Variants in POTEF observed in about 807,000 individuals in gnomAD.
POTEF encodes POTE ankyrin domain family member F.
A neutral mutation model predicts 83.2 loss-of-function variants in POTEF; 20 were observed. That is an observed-to-expected ratio of 0.24 (90% CI 0.17 to 0.35). The LOEUF is 0.35. Among genes scored for constraint, POTEF ranks in the 10% least tolerant of loss-of-function variants. The pLI, the probability that POTEF is intolerant of heterozygous loss-of-function variation, is 1.00. For synonymous variants in POTEF, 196 were observed against 446.4 expected, an observed-to-expected ratio of 0.44 and a Z score of 7.07; for missense variants, 550 against 1,203.2, an observed-to-expected ratio of 0.46 and a Z score of 8.03.
chr2:130,127,113 T>G (rs1237482023), intron 2 of POTEF, among the ~76,000 whole-genome samples: 1 of 151,318 alleles, frequency 6.6e-6, no homozygotes, highest in Non-Finnish European at 1.5e-5. Flanking sequence ...TGAGGTCAGG[T>G]GATCTAGACC....
chr2:130,096,518 TG>T (rs1307173296), intron 11 of POTEF, among the ~76,000 whole-genome samples: 3 of 144,444 alleles, frequency 2.1e-5, no homozygotes, highest in Non-Finnish European at 4.6e-5. Context: ...ATCTGACAAG[TG>T]TGTGATACCC....
chr2:130,101,779 T>C (rs1684380359), intron 9 of POTEF, among the ~76,000 whole-genome samples: 1 of 120,188 alleles, frequency 8.3e-6, no homozygotes. Context: ...AATTTGTTTT[T>C]GCCTCTATTC....
At chr2:130,080,399 G>A (rs1377484489) in intron 15 of POTEF, among the ~76,000 whole-genome samples, 1 of 68,978 alleles carries the variant, frequency 1.4e-5, no homozygotes, top group African/African-American at 7.7e-5. Flanking sequence ...AACAAGAAAA[G>A]GAATTTAAAA....
chr2:130,118,683 C>CA (rs1684912308), intron 3 of POTEF, among the ~76,000 whole-genome samples: 1 of 150,808 alleles, frequency 6.6e-6, no homozygotes, highest in African/African-American at 2.5e-5. Flanking sequence ...GCAGCAGAGT[C>CA]AGACTCCATC....
chr2:130,100,807 A>C, intron 9 of POTEF, 87 bp from the exon 10 acceptor site: 1 of 1,524,874 alleles, frequency 6.6e-7, no homozygotes, highest in Non-Finnish European at 8.8e-7. Flanking sequence ...AAAAAATTTT[A>C]TTCTTAACTA....
rs1404772773 is a variant in POTEF, at chr2:130,120,283, C to T, written c.233G>A (p.Ser78Asn). ...GTGGTCTCCAGAAGCGCCCACGTTG[C>T]TCTTGCCACTCCCCCTGCAGCAGGG... The part of the protein sequence containing the change: ...CFPCCRGSGK[S>N]NVGASGDHDD... The change falls in exon 3 of 17, where the codon AGC (serine) becomes AAC (asparagine). Residue 78 changes from serine (S) to asparagine (N), a missense_variant. Ser to Asn is a conservative substitution (Grantham distance 46). Transcript: ENST00000409914. The T allele has an allele frequency of 6.2e-7, 1 of 1,605,190 alleles. No homozygotes were observed. Among genetic ancestry groups the T allele is most frequent in the Non-Finnish European group, 8.5e-7 (1 of 1,178,276 alleles).
chr2:130,110,513 A>G, intron 7 of POTEF, 30 bp downstream of exon 7: 1 of 1,260,130 alleles, frequency 7.9e-7, no homozygotes, highest in African/African-American at 1.9e-5. Context: ...TCAATTCAGC[A>G]TTAACTAGCC....
intron 2 of POTEF, among the ~76,000 whole-genome samples, chr2:130,123,744 T>C (rs2104831895): frequency 6.7e-6 from 1 of 150,134 alleles, no homozygotes; most frequent in Admixed American, 6.6e-5. Flanking sequence ...AAAATGTCAT[T>C]CCCTACATTT....
intron 5 of POTEF, among the ~76,000 whole-genome samples, chr2:130,112,979 A>G (rs1157293230): frequency 6.6e-6 from 1 of 151,900 alleles, no homozygotes; most frequent in East Asian, 1.9e-4. Context: ...ATTTCTAAAG[A>G]CCTTCTGAAC....
At chr2:130,103,102 C>CTTTCT (rs1254761415) in intron 8 of POTEF, among the ~76,000 whole-genome samples, 9 of 126,454 alleles carry the variant, frequency 7.1e-5, no homozygotes, top group African/African-American at 2.7e-4. Context: ...TTCTTTCTTT[C>CTTTCT]TTTTTTTTTT....
At chr2:130,126,963 G>A (rs1472870194) in intron 2 of POTEF, among the ~76,000 whole-genome samples, 3 of 151,414 alleles carry the variant, frequency 2.0e-5, no homozygotes, top group African/African-American at 7.4e-5. Context: ...GGCCTATTAT[G>A]ACACCTTTTA....
chr2:130,108,177 A>T, intron 7 of POTEF, 98 bp from the exon 8 acceptor site: 2 of 1,484,178 alleles, frequency 1.3e-6, no homozygotes, highest in South Asian at 2.5e-5. Flanking sequence ...AAACAATATC[A>T]GAATAACAGA....
intron 3 of POTEF, among the ~76,000 whole-genome samples, chr2:130,119,445 C>T (rs1303594589): frequency 6.6e-6 from 1 of 151,834 alleles, no homozygotes; most frequent in Non-Finnish European, 1.5e-5. Flanking sequence ...CAGGCGTGAG[C>T]CACCGCGCCC....
rs770457282 is a variant in POTEF at position 130,074,899 on chromosome 2, C to G, written c.2573G>C (p.Gly858Ala). 1 of 1,592,800 alleles carries G rather than the reference C, an allele frequency of 6.3e-7. No homozygotes were observed. Residue 858 changes from glycine to alanine, a missense_variant, in exon 17 of 17, where the codon GGG becomes GCG. Transcript: ENST00000409914. Reference protein sequence around the residue: ...TTGIVMDSGDGVTHTVPIYEG... With the variant: ...TTGIVMDSGDAVTHTVPIYEG... ...ATAGATGGGCACAGTGTGGGTGACC[C>G]CGTCACCAGAGTCCATCACGATGCC...
chr2:130,123,631 GA>G (rs1363750864), intron 2 of POTEF, among the ~76,000 whole-genome samples: 2 of 151,588 alleles, frequency 1.3e-5, no homozygotes, highest in East Asian at 3.9e-4. Flanking sequence ...TATTTACATA[GA>G]AAAAAGGAAT....
intron 3 of POTEF, among the ~76,000 whole-genome samples, chr2:130,116,106 A>G (rs954512125): frequency 4.6e-5 from 7 of 152,070 alleles, no homozygotes; most frequent in African/African-American, 1.7e-4. Flanking sequence ...TGGAATAAGA[A>G]AGCTGAGGTG....
rs1197796667 is a variant in POTEF at position 130,075,014 on chromosome 2, T to A, written c.2458A>T (p.Thr820Ser). Residue 820 changes from threonine (T) to serine (S), a missense_variant, in exon 17 of 17, where the codon ACC (threonine) becomes TCC (serine). Thr to Ser is a moderately conservative substitution (Grantham distance 58). Coordinates refer to ENST00000409914, the MANE Select transcript of POTEF (RefSeq NM_001099771.2). ...TTGAAGGTCTCAAACATGATCTGGGTCATCTTCTCGCGGTTGGCCTTAGGG... is the reference window on the plus strand; with the variant it reads ...TTGAAGGTCTCAAACATGATCTGGGACATCTTCTCGCGGTTGGCCTTAGGG... ...LNPKANREKM[T>S]QIMFETFNTP... 6.2e-7 allele frequency: 1 copy of A among 1,613,214 alleles called. No homozygotes were observed. The highest frequency in any genetic ancestry group is 2.2e-5 in the East Asian group (1 of 44,862).
chr2:130,101,031 G>T (rs1413534509), intron 9 of POTEF, among the ~76,000 whole-genome samples: 2 of 143,078 alleles, frequency 1.4e-5, no homozygotes, highest in East Asian at 2.0e-4. Flanking sequence ...CATTTGTTTG[G>T]ACTAAACTTA....
At chr2:130,123,638 G>A (rs1420437769) in intron 2 of POTEF, among the ~76,000 whole-genome samples, 1 of 151,248 alleles carries the variant, frequency 6.6e-6, no homozygotes, top group Non-Finnish European at 1.5e-5. Context: ...ATAGAAAAAA[G>A]GAATAAAAAA....
Sources: allele counts gnomAD v4.1 joint callset (sites outside exome capture counted in the v4.1 genomes callset), GRCh38; gene constraint gnomAD v4.1.1; transcripts MANE v1.5; gene names NCBI Gene and HGNC (gene_info 2026-07-23, HGNC 2026-07-21).